Variants in CNTNAP5 observed in about 807,000 individuals in gnomAD.
CNTNAP5 encodes contactin-associated protein-like 5.
A neutral mutation model predicts 150.2 loss-of-function variants in CNTNAP5; 72 were observed. That is an observed-to-expected ratio of 0.48 (90% CI 0.40 to 0.58). The LOEUF (loss-of-function observed/expected upper bound fraction) is 0.58, where lower values mean the gene tolerates loss of function less well. CNTNAP5 is among the 20% of genes least tolerant of loss of function. The pLI, the probability that CNTNAP5 is intolerant of heterozygous loss-of-function variation, is 0.00. For synonymous variants in CNTNAP5, 672 were observed against 619.8 expected, an observed-to-expected ratio of 1.08 and a Z score of -1.25; for missense variants, 1,636 against 1,626.2, an observed-to-expected ratio of 1.01 and a Z score of -0.10.
At chr2:124,684,768 A>C (rs1164534279) in intron 13 of CNTNAP5, among the ~76,000 whole-genome samples, 1 of 152,216 alleles carries the variant, frequency 6.6e-6, no homozygotes, top group Admixed American at 6.5e-5. Context: ...GGAGATCTAC[A>C]TATAGCATGC....
chr2:124,773,915 T>C (rs1378815841), intron 17 of CNTNAP5, among the ~76,000 whole-genome samples: 23 of 20,102 alleles, frequency 1.1e-3, no homozygotes, highest in Admixed American at 7.6e-3. Flanking sequence ...AGTGCGTGTG[T>C]GTGTGTGTGT....
At chr2:124,213,422 A>G (rs889667037) in intron 1 of CNTNAP5, among the ~76,000 whole-genome samples, 1 of 152,208 alleles carries the variant, frequency 6.6e-6, no homozygotes, top group Non-Finnish European at 1.5e-5. Context: ...AGATCATCCC[A>G]AGAGAAAACA....
intron 14 of CNTNAP5, 124 bp downstream of exon 14, chr2:124,747,509 C>A: frequency 8.5e-7 from 1 of 1,169,622 alleles, no homozygotes; most frequent in Non-Finnish European, 1.2e-6. Flanking sequence ...CCGATGGTGA[C>A]TTTTGTTTTT....
chr2:124,678,600 C>T (rs1678996084), intron 13 of CNTNAP5, among the ~76,000 whole-genome samples: 1 of 151,744 alleles, frequency 6.6e-6, no homozygotes, highest in Admixed American at 6.7e-5. Flanking sequence ...TGGGAGCTGA[C>T]TGGCCCAAAA....
intron 11 of CNTNAP5, among the ~76,000 whole-genome samples, chr2:124,581,194 T>C (rs964284419): frequency 2.6e-5 from 4 of 152,248 alleles, no homozygotes; most frequent in Non-Finnish European, 5.9e-5. Context: ...TCCTGTTTTA[T>C]GCTTTCAAAT....
intron 3 of CNTNAP5, among the ~76,000 whole-genome samples, chr2:124,246,874 T>G (rs528352664): frequency 1.3e-5 from 2 of 152,162 alleles, no homozygotes; most frequent in Admixed American, 6.6e-5. Flanking sequence ...TGCAGTTTTC[T>G]CTTATTAAAA....
intron 19 of CNTNAP5, among the ~76,000 whole-genome samples, chr2:124,811,478 T>G (rs1682217501): frequency 1.3e-5 from 2 of 152,066 alleles, no homozygotes; most frequent in Admixed American, 1.3e-4. Flanking sequence ...AGAAAATTAG[T>G]TTTTTTCCCT....
rs774075983 is a variant in CNTNAP5, at chr2:124,527,340, A to T, written c.1533A>T (p.Gln511His). Residue 511 changes from glutamine to histidine, a missense_variant, in exon 10 of 24, where the codon CAA (glutamine) becomes CAT (histidine). Physicochemically the swap from Gln to His is conservative, Grantham distance 24 (BLOSUM62 0). Transcript: ENST00000682447. Reference sequence around the variant, plus strand: ...GTTTAAATCCCATTAAGGCTTTCCAAGGCTGCATGAGGCTCATCTTTATTG... The same window carrying T: ...GTTTAAATCCCATTAAGGCTTTCCATGGCTGCATGAGGCTCATCTTTATTG... Reference protein sequence around the residue: ...SQCLNPIKAFQGCMRLIFIDN... With the variant: ...SQCLNPIKAFHGCMRLIFIDN... 5 of 1,613,698 alleles carry T rather than the reference A, an allele frequency of 3.1e-6. No individual in the cohort carries two copies. The South Asian group carries it at 5.5e-5, about 18-fold the overall frequency.
At position 124,774,114 on chromosome 2, in the gene CNTNAP5, T is replaced by C. The variant is rs189839349; in HGVS notation, c.2752+1097T>C. On this transcript the variant is annotated intron_variant, in intron 17 of 23. Coordinates refer to ENST00000682447, the MANE Select transcript of CNTNAP5 (RefSeq NM_001367498.1). ...TACCAAAACAAAGAGTGTGCTTTTATATAAAACTTGGAGTTCAGATGTTTA... is the reference window on the plus strand; with the variant it reads ...TACCAAAACAAAGAGTGTGCTTTTACATAAAACTTGGAGTTCAGATGTTTA... 3.7e-4 allele frequency among the ~76,000 whole-genome samples: 57 copies of C among 152,170 alleles called. No homozygotes were observed. In the East Asian group the frequency reaches 0.011, roughly 28 times the overall value.
chr2:124,181,391 C>T (rs1311550137), intron 1 of CNTNAP5, among the ~76,000 whole-genome samples: 1 of 151,946 alleles, frequency 6.6e-6, no homozygotes, highest in African/African-American at 2.4e-5. Context: ...GTATATTAAG[C>T]ATCATAAAGA....
At chr2:124,603,440 T>C (rs1426994894) in intron 11 of CNTNAP5, among the ~76,000 whole-genome samples, 1 of 152,246 alleles carries the variant, frequency 6.6e-6, no homozygotes, top group African/African-American at 2.4e-5. Context: ...CAGGTGTTAA[T>C]TGAATCCACT....
intron 19 of CNTNAP5, among the ~76,000 whole-genome samples, chr2:124,859,495 T>G (rs1293649052): frequency 5.3e-5 from 8 of 152,204 alleles, no homozygotes; most frequent in South Asian, 2.1e-4. Context: ...GTGGAAGTCA[T>G]TGTGGCGATT....
chr2:124,460,070 A>G (rs1197363270), intron 6 of CNTNAP5, among the ~76,000 whole-genome samples: 2 of 152,238 alleles, frequency 1.3e-5, no homozygotes, highest in African/African-American at 4.8e-5. Flanking sequence ...ATGTTCTGAT[A>G]CAGAAATCAT....
chr2:124,900,304 C>T (rs557779356), intron 21 of CNTNAP5, among the ~76,000 whole-genome samples: 1 of 151,602 alleles, frequency 6.6e-6, no homozygotes, highest in African/African-American at 2.4e-5. Context: ...TCAGTTAATG[C>T]TATTATAAGA....
Position 124,667,717 on chromosome 2 carries a change from T to C in CNTNAP5, c.2077+19759T>C, listed in dbSNP as rs568842464. Among the ~76,000 whole-genome samples, 4 of 152,376 alleles carry C rather than the reference T, an allele frequency of 2.6e-5. No individual in the cohort carries two copies. In the East Asian group the frequency reaches 7.7e-4, roughly 29 times the overall value. ...CCCTATGTCTTCATTTTTTAAGCAG[T>C]AGCCATTTTCCTGTCTATTCTCTCT... is the stretch of plus-strand genomic sequence containing the variant. On this transcript the variant is annotated intron_variant, in intron 13 of 23. Transcript: ENST00000682447.
At chr2:124,719,423 A>G (rs1680007637) in intron 13 of CNTNAP5, among the ~76,000 whole-genome samples, 1 of 152,364 alleles carries the variant, frequency 6.6e-6, no homozygotes, top group Non-Finnish European at 1.5e-5. Context: ...CTAAAAATAA[A>G]TAAAAGGCAC....
intron 3 of CNTNAP5, among the ~76,000 whole-genome samples, chr2:124,310,278 T>A (rs963639284): frequency 5.3e-5 from 8 of 151,892 alleles, no homozygotes; most frequent in Non-Finnish European, 1.0e-4. Context: ...AGATTGTAGG[T>A]GGAAGTGTGG....
chr2:124,455,953 A>T (rs1382644148), intron 6 of CNTNAP5, among the ~76,000 whole-genome samples: 2 of 152,182 alleles, frequency 1.3e-5, no homozygotes, highest in Non-Finnish European at 2.9e-5. Flanking sequence ...CCCACATGCA[A>T]CGTAATACTG....
At chr2:124,086,975 G>T (rs1288518491) in intron 1 of CNTNAP5, among the ~76,000 whole-genome samples, 1 of 151,314 alleles carries the variant, frequency 6.6e-6, no homozygotes, top group Admixed American at 6.6e-5. Flanking sequence ...TTTTTATATA[G>T]CTTTATTAGT....
Sources: allele counts gnomAD v4.1 joint callset (sites outside exome capture counted in the v4.1 genomes callset), GRCh38; gene constraint gnomAD v4.1.1; transcripts MANE v1.5; gene names NCBI Gene and HGNC (gene_info 2026-07-23, HGNC 2026-07-21).